HHIPL1: variants seen among roughly 807,000 people sequenced by gnomAD.
The protein encoded by HHIPL1 is HHIP like 1, also known as HHIP-like protein 1.
In HHIPL1, 43 loss-of-function variants were observed where a neutral mutation model predicts 61.8. The ratio of observed to expected loss-of-function variants is 0.70; its 90% CI spans 0.55 to 0.90. The LOEUF (loss-of-function observed/expected upper bound fraction) is 0.90, where lower values mean the gene tolerates loss of function less well. HHIPL1 is among the 40% of genes least tolerant of loss of function. HHIPL1 has a pLI of 0.00. For missense variants in HHIPL1, 1,056 were observed against 1,157.7 expected, an observed-to-expected ratio of 0.91 and a Z score of 1.28; for synonymous variants, 482 against 515.8, an observed-to-expected ratio of 0.93 and a Z score of 0.89.
chr14:99,674,900 C>T (rs1566819000), intron 8 of HHIPL1, among the ~76,000 whole-genome samples, 191 bp from the exon 9 acceptor site: 3 of 152,152 alleles, frequency 2.0e-5, no homozygotes, highest in African/African-American at 7.2e-5. Context: ...TTGCTGGGTC[C>T]GGGTGACCTG....
At chr14:99,642,891 G>T (rs977990131), upstream of HHIPL1, among the ~76,000 whole-genome samples, 2 of 151,996 alleles carry the variant, frequency 1.3e-5, no homozygotes, top group Non-Finnish European at 2.9e-5. Flanking sequence ...CAATGTCCTT[G>T]TCAATATTCA....
At chr14:99,637,480 G>A in the HHIPL1 span, among the ~76,000 whole-genome samples, 1 of 120,986 alleles carries the variant, frequency 8.3e-6, no homozygotes, top group Admixed American at 7.9e-5. Context: ...GCTGAGGCAG[G>A]AGAATTGCTT....
the HHIPL1 span, among the ~76,000 whole-genome samples, chr14:99,605,942 G>A: frequency 6.6e-6 from 1 of 152,162 alleles, no homozygotes; most frequent in Non-Finnish European, 1.5e-5. Context: ...AGAGGGGCCA[G>A]ATCATGTATG....
At chr14:99,664,854 G>C (rs1595165187) in intron 6 of HHIPL1, among the ~76,000 whole-genome samples, 1 of 151,982 alleles carries the variant, frequency 6.6e-6, no homozygotes, top group East Asian at 1.9e-4. Flanking sequence ...ACAATGACAT[G>C]ACACAGGAGC....
the HHIPL1 span, chr14:99,625,187 T>A: frequency 6.6e-6 from 1 of 152,140 alleles, no homozygotes; most frequent in Non-Finnish European, 1.5e-5. Context: ...CCAAGCCGGG[T>A]TGGCCAGAAC....
chr14:99,662,618 T>C (rs2056169653), intron 5 of HHIPL1, among the ~76,000 whole-genome samples: 1 of 152,230 alleles, frequency 6.6e-6, no homozygotes, highest in African/African-American at 2.4e-5. Context: ...TCTCATGCTC[T>C]GTGGTCACCA....
chr14:99,642,700 A>G (rs2140044158), upstream of HHIPL1, among the ~76,000 whole-genome samples: 1 of 151,662 alleles, frequency 6.6e-6, no homozygotes, highest in Non-Finnish European at 1.5e-5. Context: ...TAAATTTTGT[A>G]TTTTTAGTAG....
At position 99,671,095 on chromosome 14, in the gene HHIPL1, C is replaced by A. The variant is rs571591834; in HGVS notation, c.1731-1222C>A. On this transcript the variant is annotated intron_variant, in intron 7 of 8. Coordinates refer to ENST00000330710, the MANE Select transcript of HHIPL1 (RefSeq NM_001127258.3). ...GCTAGATTCCTCCTCCCGCCCTGAC[C>A]CTTCTCCCTTCATTCTCCTGTCTTG... Among the ~76,000 whole-genome samples the A allele has an allele frequency of 3.3e-5, 5 of 152,256 alleles. No homozygotes were observed. In the South Asian group the frequency reaches 8.3e-4, roughly 25 times the overall value.
chr14:99,672,884 T>A (rs776450635), intron 8 of HHIPL1, among the ~76,000 whole-genome samples: 109 of 152,082 alleles, frequency 7.2e-4, no homozygotes, highest in Non-Finnish European at 1.4e-3. Context: ...CCAAGTTAGG[T>A]GGGAACAAAG....
intron 1 of HHIPL1, among the ~76,000 whole-genome samples, chr14:99,649,553 G>A (rs1234016282): frequency 6.6e-6 from 1 of 152,154 alleles, no homozygotes; most frequent in Non-Finnish European, 1.5e-5. Flanking sequence ...AACTTTGGCG[G>A]GCCAAGGCGG....
the HHIPL1 span, among the ~76,000 whole-genome samples, chr14:99,608,254 G>A: frequency 1.3e-5 from 2 of 152,152 alleles, no homozygotes; most frequent in Admixed American, 1.3e-4. Flanking sequence ...TCAGAAGGAA[G>A]CTGGACCCTT....
the HHIPL1 span, among the ~76,000 whole-genome samples, chr14:99,609,707 C>T: frequency 6.6e-6 from 1 of 152,212 alleles, no homozygotes; most frequent in Non-Finnish European, 1.5e-5. Context: ...GTTCCTTCAT[C>T]CCCACTGTTA....
chr14:99,678,766 ATG>A lies in HHIPL1; in HGVS notation c.*3143_*3144del, dbSNP rs2056413781. On this transcript the variant is annotated 3_prime_UTR_variant, in exon 9 of 9. Transcript: ENST00000330710. Reference sequence around the variant, plus strand: ...AAAGTATAAGGACATAGAACGTACTATGTGCCTGTGAGCACGTCTAACAGTTA... The same window carrying A: ...AAAGTATAAGGACATAGAACGTACTATGCCTGTGAGCACGTCTAACAGTTA... 6.6e-6 allele frequency: 1 copy of A among 152,276 alleles called. No homozygotes were observed. Among genetic ancestry groups the A allele is most frequent in the Non-Finnish European group, 1.5e-5 (1 of 68,056 alleles). The allele number at this position is 152,276 out of a possible 1,614,324, so 9.4% of individuals were successfully genotyped here.
the HHIPL1 span, among the ~76,000 whole-genome samples, chr14:99,608,866 G>A: frequency 2.0e-5 from 3 of 152,222 alleles, no homozygotes; most frequent in African/African-American, 7.2e-5. Flanking sequence ...TGGCTAGCAA[G>A]TGGCTGAACC....
chr14:99,625,878 G>A, the HHIPL1 span: 1 of 152,224 alleles, frequency 6.6e-6, no homozygotes, highest in Non-Finnish European at 1.5e-5. Context: ...CCTGGTGCTT[G>A]TGCCCACTCC....
the HHIPL1 span, among the ~76,000 whole-genome samples, chr14:99,618,973 G>T: frequency 3.3e-5 from 5 of 152,222 alleles, no homozygotes; most frequent in African/African-American, 9.6e-5. Context: ...ACAGCTCTGG[G>T]CACTGGGATG....
chr14:99,657,750 AACAC>A (rs199766756), intron 3 of HHIPL1, among the ~76,000 whole-genome samples: 5,106 of 149,648 alleles, frequency 0.034, 278 homozygotes, highest in African/African-American at 0.12. Context: ...TACACACACA[AACAC>A]ACATACACAC....
chr14:99,646,816 TG>T (rs1313944239), intron 1 of HHIPL1, among the ~76,000 whole-genome samples: 25 of 84,152 alleles, frequency 3.0e-4, no homozygotes, highest in South Asian at 8.5e-4. Flanking sequence ...TGATATGATA[TG>T]ATATGATATG....
At chr14:99,606,282 G>A in the HHIPL1 span, among the ~76,000 whole-genome samples, 4 of 152,190 alleles carry the variant, frequency 2.6e-5, no homozygotes, top group African/African-American at 7.2e-5. Context: ...TGCTGGTCCA[G>A]CACAGCTCAG....
Sources: gnomAD v4.1 joint callset for allele counts (sites outside exome capture counted in the v4.1 genomes callset) on GRCh38, gnomAD v4.1.1 for gene constraint, MANE v1.5 for transcripts, NCBI Gene and HGNC (gene_info 2026-07-23, HGNC 2026-07-21) for gene names.